FHIT: variants seen among roughly 807,000 people sequenced by gnomAD.
The protein encoded by FHIT is fragile histidine triad diadenosine triphosphatase.
A neutral mutation model predicts 17.9 loss-of-function variants in FHIT; 19 were observed. The observed-to-expected ratio is 1.06, with a 90% confidence interval of 0.74 to 1.56. FHIT has a LOEUF of 1.56. FHIT is among the 40% of genes most tolerant of loss of function. The pLI is 0.00. For missense variants in FHIT, 248 were observed against 189.2 expected (o/e 1.31, Z -1.82); for synonymous variants, 81 against 69.7 (o/e 1.16, Z -0.81).
At chr3:60,779,505 T>G (rs1553725246) in intron 4 of FHIT, among the ~76,000 whole-genome samples, 1 of 152,066 alleles carries the variant, frequency 6.6e-6, no homozygotes, top group Non-Finnish European at 1.5e-5. Context: ...TAAGACCAAG[T>G]GAACTAACCA....
intron 4 of FHIT, among the ~76,000 whole-genome samples, chr3:60,782,237 G>GTGTGTGTGTGTATATATATATATATA (rs1553725880): frequency 1.2e-4 from 11 of 95,530 alleles, no homozygotes; most frequent in African/African-American, 3.5e-4. Flanking sequence ...GTGTGTGTGT[G>GTGTGTGTGTGTATATATATATATATA]TATATATATA....
chr3:60,505,899 T>A (rs2107532703), intron 5 of FHIT, among the ~76,000 whole-genome samples: 1 of 152,284 alleles, frequency 6.6e-6, no homozygotes, highest in South Asian at 2.1e-4. Context: ...TTGAATTTGG[T>A]AACATTAACC....
intron 7 of FHIT, among the ~76,000 whole-genome samples, chr3:59,934,231 CATT>C (rs1426441137): frequency 2.0e-5 from 3 of 152,058 alleles, no homozygotes; most frequent in African/African-American, 4.8e-5. Flanking sequence ...TTATTATCAT[CATT>C]AATTTATAGA....
intron 5 of FHIT, among the ~76,000 whole-genome samples, chr3:60,436,552 T>C (rs577549981): frequency 7.4e-6 from 1 of 135,410 alleles, no homozygotes; most frequent in African/African-American, 2.5e-5. Flanking sequence ...TTTTAGTTTC[T>C]TCACCAATGT....
intron 5 of FHIT, among the ~76,000 whole-genome samples, chr3:60,054,716 GA>G (rs1702013314): frequency 6.6e-6 from 1 of 152,126 alleles, no homozygotes; most frequent in South Asian, 2.1e-4. Context: ...TTAAGCACAG[GA>G]AAAGAATCAA....
chr3:60,317,665 A>G (rs951313032), intron 5 of FHIT, among the ~76,000 whole-genome samples: 1 of 148,420 alleles, frequency 6.7e-6, no homozygotes, highest in African/African-American at 2.5e-5. Flanking sequence ...TATTTTCCCC[A>G]TTAACAAATC....
chr3:60,093,836 T>A (rs1703830749), intron 5 of FHIT, among the ~76,000 whole-genome samples: 1 of 152,212 alleles, frequency 6.6e-6, no homozygotes, highest in African/African-American at 2.4e-5. Flanking sequence ...TTGTCTTCCA[T>A]GAAACAAGGT....
At chr3:60,646,651 A>T (rs2039864685) in intron 4 of FHIT, among the ~76,000 whole-genome samples, 1 of 152,170 alleles carries the variant, frequency 6.6e-6, no homozygotes, top group African/African-American at 2.4e-5. Context: ...TTTCTTTTAG[A>T]GGAGTTAGAA....
chr3:60,986,643 T>G (rs1474979833), intron 3 of FHIT, among the ~76,000 whole-genome samples: 1 of 152,206 alleles, frequency 6.6e-6, no homozygotes. Flanking sequence ...ATTTCTCATT[T>G]TTCTCAAACC....
chr3:59,776,814 AT>A (rs1448709058), intron 8 of FHIT, among the ~76,000 whole-genome samples: 2 of 152,178 alleles, frequency 1.3e-5, no homozygotes, highest in Non-Finnish European at 2.9e-5. Context: ...TATTAATATC[AT>A]CCTTTTATTA....
intron 2 of FHIT, among the ~76,000 whole-genome samples, chr3:61,118,119 T>G (rs567790824): frequency 6.6e-6 from 1 of 152,212 alleles, no homozygotes; most frequent in Non-Finnish European, 1.5e-5. Context: ...AATAATGTTG[T>G]AGTATAATTT....
intron 5 of FHIT, among the ~76,000 whole-genome samples, chr3:60,329,362 G>C (rs144107754): frequency 1.5e-3 from 221 of 152,252 alleles, no homozygotes; most frequent in African/African-American, 5.0e-3. Context: ...TTCCTCACTA[G>C]AGACCCCTGG....
intron 7 of FHIT, among the ~76,000 whole-genome samples, chr3:59,973,923 C>T (rs1708295608): frequency 6.6e-6 from 1 of 151,412 alleles, no homozygotes; most frequent in Non-Finnish European, 1.5e-5. Context: ...ACCAGAGCAG[C>T]AGTACTTCAC....
intron 3 of FHIT, among the ~76,000 whole-genome samples, chr3:61,036,945 T>C (rs1239536521): frequency 5.4e-5 from 8 of 148,614 alleles, no homozygotes; most frequent in Admixed American, 4.7e-4. Context: ...GGAGTCTCGC[T>C]CTTTCGCCTA....
intron 3 of FHIT, among the ~76,000 whole-genome samples, chr3:60,838,122 CAG>C (rs1702596554): frequency 6.6e-6 from 1 of 152,162 alleles, no homozygotes; most frequent in Admixed American, 6.5e-5. Context: ...TCTTTCGAGG[CAG>C]AGTCTCACCG....
chr3:59,758,138 T>A (rs533620568), intron 8 of FHIT, among the ~76,000 whole-genome samples: 1 of 152,156 alleles, frequency 6.6e-6, no homozygotes, highest in African/African-American at 2.4e-5. Context: ...AGATTGACTT[T>A]TAAAAATCAA....
intron 5 of FHIT, among the ~76,000 whole-genome samples, chr3:60,239,340 G>A (rs2107569804): frequency 6.6e-6 from 1 of 152,250 alleles, no homozygotes; most frequent in Non-Finnish European, 1.5e-5. Context: ...TAAGGTGGGA[G>A]GATTGGGTGA....
At chr3:60,494,575 T>C (rs1036267421) in intron 5 of FHIT, among the ~76,000 whole-genome samples, 5 of 152,092 alleles carry the variant, frequency 3.3e-5, no homozygotes, top group African/African-American at 9.7e-5. Context: ...ATGTTTTCTA[T>C]TTTTTTGTAC....
At chr3:60,215,810 C>A (rs1036782692) in intron 5 of FHIT, among the ~76,000 whole-genome samples, 132 of 152,160 alleles carry the variant, frequency 8.7e-4, no homozygotes, top group African/African-American at 2.9e-3. Flanking sequence ...ATGTACAGAG[C>A]CTGGGCTTGG....
Sources: allele counts gnomAD v4.1 joint callset (sites outside exome capture counted in the v4.1 genomes callset), GRCh38; gene constraint gnomAD v4.1.1; transcripts MANE v1.5; gene names NCBI Gene and HGNC (gene_info 2026-07-23, HGNC 2026-07-21).